SYPL1: variants seen among roughly 807,000 people sequenced by gnomAD.
SYPL1 encodes the protein synaptophysin-like protein 1.
Under a neutral mutation model 23.7 loss-of-function variants are expected in SYPL1, and 6 were observed. That is an observed-to-expected ratio of 0.25 (90% CI 0.14 to 0.50). SYPL1 has a LOEUF of 0.50. Among genes scored for constraint, SYPL1 ranks in the 20% least tolerant of loss-of-function variants. SYPL1 has a pLI of 0.98. For missense variants in SYPL1, 253 were observed against 288.9 expected (o/e 0.88, Z 0.90); for synonymous variants, 102 against 104.5 (o/e 0.98, Z 0.15).
chr7:106,100,565 G>C lies in SYPL1; in HGVS notation c.70-1283C>G, dbSNP rs778804199. On this transcript the variant is annotated intron_variant, in intron 1 of 4. Coordinates refer to ENST00000455385, the MANE Select transcript of SYPL1 (RefSeq NM_182715.4). The surrounding 1 kb of genome is among the most constrained non-coding windows in gnomAD (Gnocchi z 5.1). ...CAACACAAGTAAGCAAAAAATTCCAGATGCGCTGTTAAAGTCCAGGAGCTC... is the reference window on the plus strand; with the variant it reads ...CAACACAAGTAAGCAAAAAATTCCACATGCGCTGTTAAAGTCCAGGAGCTC... 1.1e-4 allele frequency among the ~76,000 whole-genome samples: 16 copies of C among 152,172 alleles called. No individual in the cohort carries two copies. The highest frequency in any genetic ancestry group is 2.1e-4 in the Non-Finnish European group (14 of 68,048).
chr7:106,112,460 G>A, upstream of SYPL1: 2 of 1,481,754 alleles, frequency 1.3e-6, no homozygotes, highest in Non-Finnish European at 1.8e-6. Context: ...AGACCGGGAG[G>A]CTTCTCCTCA....
At position 106,095,349 on chromosome 7, in the gene SYPL1, C is replaced by CTT. The variant is rs777606094; in HGVS notation, c.403-2214_403-2213dup. On this transcript the variant is annotated intron_variant, in intron 3 of 4. Coordinates refer to ENST00000455385, the MANE Select transcript of SYPL1 (RefSeq NM_182715.4). This position sits in a 1 kb window ranked among gnomAD's most constrained non-coding sequence, Gnocchi z 4.3. ...AAATTTTGGGTATCTCAAAAAAAAC[C>CTT]TTTTTTTTTTTTTCCCCTGAGATGG... Among the ~76,000 whole-genome samples, 1 of 144,626 alleles carries CTT rather than the reference C, an allele frequency of 6.9e-6. No homozygotes were observed. The highest frequency in any genetic ancestry group is 2.5e-5 in the African/African-American group (1 of 39,578). 94.9% of individuals were successfully genotyped at this position (144,626 alleles called of 152,430 possible).
chr7:106,112,063 C>T (rs1263685202), intron 1 of SYPL1, 77 bp downstream of exon 1: 1 of 1,250,624 alleles, frequency 8.0e-7, no homozygotes, highest in African/African-American at 1.6e-5. Context: ...TGCGTCCCGG[C>T]TCGCAGGTCC....
At chr7:106,094,595 T>C (rs182995041) in intron 3 of SYPL1, among the ~76,000 whole-genome samples, 95 of 152,306 alleles carry the variant, frequency 6.2e-4, no homozygotes, top group African/African-American at 1.8e-3. Context: ...GTACATCTGC[T>C]ATACATTCTG....
chr7:106,103,094 C>T (rs1399194121), intron 1 of SYPL1, among the ~76,000 whole-genome samples: 1 of 151,946 alleles, frequency 6.6e-6, no homozygotes, highest in Non-Finnish European at 1.5e-5. Flanking sequence ...CTAAGAGAAA[C>T]CCTTGCTCAC....
At position 106,096,100 on chromosome 7, in the gene SYPL1, A is replaced by G. The variant is rs1007790563; in HGVS notation, c.402+1590T>C. 2.6e-5 allele frequency among the ~76,000 whole-genome samples: 4 copies of G among 152,216 alleles called. No individual in the cohort carries two copies. The highest frequency in any genetic ancestry group is 9.6e-5 in the African/African-American group (4 of 41,458). On this transcript the variant is annotated intron_variant, in intron 3 of 4. Coordinates refer to ENST00000455385, the MANE Select transcript of SYPL1 (RefSeq NM_182715.4). The surrounding 1 kb of genome is among the most constrained non-coding windows in gnomAD (Gnocchi z 4.4). ...GATTATTCCAGTTCCCTTTTAAATA[A>G]GATTTGAAAAGTCTGCAGAAGACAC...
rs1014961713 is a variant in SYPL1 at position 106,100,715 on chromosome 7, T to C, written c.70-1433A>G. 1.2e-4 allele frequency among the ~76,000 whole-genome samples: 19 copies of C among 152,340 alleles called. 1 individual carries two copies. The highest frequency in any genetic ancestry group is 1.2e-3 in the East Asian group (6 of 5,188). ...AATTTTGCACTAACAGCCTTCTAAA[T>C]GATCTCTCTGCTTCTGCCCTTGCCC... On this transcript the variant is annotated intron_variant, in intron 1 of 4. Coordinates refer to ENST00000455385, the MANE Select transcript of SYPL1 (RefSeq NM_182715.4). The surrounding 1 kb of genome is among the most constrained non-coding windows in gnomAD (Gnocchi z 5.1).
At chr7:106,111,978 G>A (rs893216346) in intron 1 of SYPL1, 162 bp downstream of exon 1, 4 of 945,968 alleles carry the variant, frequency 4.2e-6, no homozygotes, top group Non-Finnish European at 4.0e-6. Context: ...CGCGGCCCAG[G>A]CCGCGGCCTC....
chr7:106,099,930 C>T (rs1021471012), intron 1 of SYPL1, among the ~76,000 whole-genome samples: 4 of 152,170 alleles, frequency 2.6e-5, no homozygotes, highest in South Asian at 4.1e-4. Context: ...TTATTTTCCC[C>T]GGAGTATAAT....
At chr7:106,112,437 CG>C, upstream of SYPL1, 1 of 1,022,114 alleles carries the variant, frequency 9.8e-7, no homozygotes, top group Non-Finnish European at 1.3e-6. Context: ...AGGCGAGGGG[CG>C]GGCCGGGGCG....
At chr7:106,112,536 T>C, upstream of SYPL1, 1 of 1,510,438 alleles carries the variant, frequency 6.6e-7, no homozygotes, top group Non-Finnish European at 8.8e-7. Context: ...CCATACTGCG[T>C]GCGCCGCGCC....
At chr7:106,092,381 T>C (rs1284632478) in intron 4 of SYPL1, among the ~76,000 whole-genome samples, 1 of 152,166 alleles carries the variant, frequency 6.6e-6, no homozygotes, top group Non-Finnish European at 1.5e-5. Context: ...TCAAAGAAAT[T>C]AATCTTCCTG....
chr7:106,103,480 T>C (rs1335003354), intron 1 of SYPL1, among the ~76,000 whole-genome samples: 1 of 152,224 alleles, frequency 6.6e-6, no homozygotes, highest in Non-Finnish European at 1.5e-5. Flanking sequence ...TCTTCTATAA[T>C]GTGGGCACTA....
At position 106,095,908 on chromosome 7, in the gene SYPL1, T is replaced by A. The variant is rs973324479; in HGVS notation, c.402+1782A>T. On this transcript the variant is annotated intron_variant, in intron 3 of 4. Coordinates refer to ENST00000455385, the MANE Select transcript of SYPL1 (RefSeq NM_182715.4). This position sits in a 1 kb window ranked among gnomAD's most constrained non-coding sequence, Gnocchi z 4.3. ...GACAAAAACCACCTACAAAAATAGA[T>A]TGGAATGCTGCTTTAAGAAGGGTAG... Among the ~76,000 whole-genome samples, 11 of 152,102 alleles carry A rather than the reference T, an allele frequency of 7.2e-5. No homozygotes were observed. The highest frequency in any genetic ancestry group is 2.2e-4 in the African/African-American group (9 of 41,422).
intron 4 of SYPL1, chr7:106,092,626 T>C (rs1384219210): frequency 5.5e-6 from 2 of 366,322 alleles, no homozygotes; most frequent in African/African-American, 5.0e-5. Context: ...TGTGCCGAGA[T>C]CATGCCACTG....
At chr7:106,111,503 C>G (rs1585946517) in intron 1 of SYPL1, among the ~76,000 whole-genome samples, 1 of 152,098 alleles carries the variant, frequency 6.6e-6, no homozygotes, top group Non-Finnish European at 1.5e-5. Context: ...TTGGAAATAC[C>G]CCAAACAAAC....
At chr7:106,112,480 T>G (rs764146438), upstream of SYPL1, 29 of 1,518,334 alleles carry the variant, frequency 1.9e-5, no homozygotes, top group African/African-American at 3.6e-4. Flanking sequence ...AGGCCGCACC[T>G]GGCCGAGTCG....
At chr7:106,110,472 T>C (rs1400534389) in intron 1 of SYPL1, among the ~76,000 whole-genome samples, 4 of 152,252 alleles carry the variant, frequency 2.6e-5, no homozygotes, top group Admixed American at 2.6e-4. Flanking sequence ...TTGTATTTTG[T>C]ATGTCCTTCA....
intron 1 of SYPL1, among the ~76,000 whole-genome samples, chr7:106,103,102 C>T (rs1840413617): frequency 6.6e-6 from 1 of 152,076 alleles, no homozygotes; most frequent in East Asian, 1.9e-4. Flanking sequence ...AACCCTTGCT[C>T]ACACGTACTA....
Sources: allele counts gnomAD v4.1 joint callset (sites outside exome capture counted in the v4.1 genomes callset), GRCh38; gene constraint gnomAD v4.1.1; non-coding constraint Gnocchi (gnomAD v3.1); transcripts MANE v1.5; gene names NCBI Gene and HGNC (gene_info 2026-07-23, HGNC 2026-07-21).